Variants in LRP1B observed in about 807,000 individuals in gnomAD.
LRP1B encodes the protein low-density lipoprotein receptor-related protein 1B.
A neutral mutation model predicts 556.6 loss-of-function variants in LRP1B; 217 were observed. The observed-to-expected ratio is 0.39, with a 90% CI of 0.35 to 0.44. LRP1B has a LOEUF of 0.44. Among genes scored for constraint, LRP1B ranks in the 20% least tolerant of loss-of-function variants. The pLI is 1.00. For missense variants in LRP1B, 5,053 were observed against 5,620.8 expected (o/e 0.90, Z 3.23); for synonymous variants, 2,047 against 1,865.8 (o/e 1.10, Z -2.50).
At chr2:140,522,908 A>G (rs939980110) in intron 49 of LRP1B, among the ~76,000 whole-genome samples, 2 of 151,966 alleles carry the variant, frequency 1.3e-5, no homozygotes, top group Non-Finnish European at 2.9e-5. Flanking sequence ...AAAATATACA[A>G]ATAAAAAAAG....
intron 2 of LRP1B, among the ~76,000 whole-genome samples, chr2:141,780,667 C>T (rs949301070): frequency 2.0e-5 from 3 of 152,144 alleles, no homozygotes; most frequent in African/African-American, 7.2e-5. Flanking sequence ...CCACCTACTA[C>T]ATTCACCCTG....
chr2:141,014,808 A>G (rs954134335), intron 13 of LRP1B, among the ~76,000 whole-genome samples: 1 of 152,096 alleles, frequency 6.6e-6, no homozygotes, highest in Non-Finnish European at 1.5e-5. Flanking sequence ...AGTGTGTGAC[A>G]TTAGGTTCAA....
intron 5 of LRP1B, among the ~76,000 whole-genome samples, chr2:141,236,783 G>A (rs1299858517): frequency 6.6e-6 from 1 of 152,136 alleles, no homozygotes; most frequent in Non-Finnish European, 1.5e-5. Flanking sequence ...GATTCACGCA[G>A]TGCAGAAATG....
intron 35 of LRP1B, among the ~76,000 whole-genome samples, chr2:140,734,345 G>C (rs1410161481): frequency 6.6e-6 from 1 of 152,204 alleles, no homozygotes; most frequent in Non-Finnish European, 1.5e-5. Context: ...GAAACTCTCA[G>C]AATGTGGCAC....
chr2:142,130,839 A>G lies in LRP1B; in HGVS notation c.-110T>C. Reference sequence around the variant, plus strand: ...TTGGAGCCTGGAATCGAGCGGCGTCATTTACAAATGTCACTGGAAATTCTT... The same window carrying G: ...TTGGAGCCTGGAATCGAGCGGCGTCGTTTACAAATGTCACTGGAAATTCTT... On this transcript the variant is annotated 5_prime_UTR_variant, in exon 1 of 91. An upstream start codon of the reference 5' UTR is lost. Coordinates refer to ENST00000389484, the MANE Select transcript of LRP1B (RefSeq NM_018557.3). 2.4e-6 allele frequency: 2 copies of G among 821,454 alleles called. No homozygotes were observed. The highest frequency in any genetic ancestry group is 4.1e-6 in the Non-Finnish European group (2 of 485,712). The allele number at this position is 821,454 out of a possible 1,614,324, so 50.9% of individuals were successfully genotyped here.
chr2:141,073,607 G>A (rs776330157), intron 7 of LRP1B, among the ~76,000 whole-genome samples: 1 of 152,000 alleles, frequency 6.6e-6, no homozygotes, highest in African/African-American at 2.4e-5. Flanking sequence ...CAGTTGTTTT[G>A]TTGATACTTT....
chr2:141,770,909 C>T (rs1412928928), intron 2 of LRP1B, among the ~76,000 whole-genome samples: 1 of 152,188 alleles, frequency 6.6e-6, no homozygotes, highest in Non-Finnish European at 1.5e-5. Flanking sequence ...TCAGCTTCTC[C>T]AGCTGGTTGT....
At chr2:141,360,784 C>T (rs1688796590) in intron 3 of LRP1B, among the ~76,000 whole-genome samples, 1 of 152,146 alleles carries the variant, frequency 6.6e-6, no homozygotes, top group African/African-American at 2.4e-5. Flanking sequence ...CTTTCATTCG[C>T]TATATAGGAA....
intron 66 of LRP1B, among the ~76,000 whole-genome samples, chr2:140,422,630 C>T (rs1344365366): frequency 4.6e-5 from 7 of 151,946 alleles, no homozygotes; most frequent in Non-Finnish European, 8.8e-5. Context: ...GATTTTTATA[C>T]AAAGGATAAC....
At chr2:142,020,130 TAGAGTACAGGCA>T (rs1703284467) in intron 1 of LRP1B, among the ~76,000 whole-genome samples, 1 of 152,134 alleles carries the variant, frequency 6.6e-6, no homozygotes. Context: ...CAAAAGGGCT[TAGAGTACAGGCA>T]ATCAAGGAAC....
At chr2:142,054,116 G>A (rs926122303) in intron 1 of LRP1B, among the ~76,000 whole-genome samples, 3 of 151,932 alleles carry the variant, frequency 2.0e-5, no homozygotes, top group Non-Finnish European at 2.9e-5. Context: ...CTTTTAACAC[G>A]GGAGAAAACA....
At chr2:140,291,318 A>ATATATATATATATATATATATTTTT (rs369391920) in intron 84 of LRP1B, among the ~76,000 whole-genome samples, 1 of 109,318 alleles carries the variant, frequency 9.1e-6, no homozygotes, top group African/African-American at 3.0e-5. Context: ...ATATATATAT[A>ATATATATATATATATATATATTTTT]TTTTTATTAT....
chr2:141,352,891 A>G (rs1159010900), intron 3 of LRP1B, among the ~76,000 whole-genome samples: 2 of 151,986 alleles, frequency 1.3e-5, no homozygotes, highest in Non-Finnish European at 2.9e-5. Flanking sequence ...AGATTTTGAA[A>G]TTAAATAGTT....
intron 77 of LRP1B, among the ~76,000 whole-genome samples, chr2:140,341,748 G>A (rs1395066710): frequency 1.3e-5 from 2 of 151,364 alleles, no homozygotes; most frequent in East Asian, 3.9e-4. Flanking sequence ...AGGTGTGATG[G>A]GAGATGAGGC....
chr2:140,756,644 A>T (rs182246828), intron 35 of LRP1B, among the ~76,000 whole-genome samples: 1 of 152,306 alleles, frequency 6.6e-6, no homozygotes, highest in East Asian at 1.9e-4. Flanking sequence ...CCACATGGAT[A>T]TCCATATGTG....
rs567559155 is a variant in LRP1B, at chr2:140,946,374, T to C, written c.3136+3861A>G. Among the ~76,000 whole-genome samples the C allele has an allele frequency of 1.9e-4, 29 of 152,192 alleles. No individual in the cohort carries two copies. In the South Asian group the frequency reaches 6.0e-3, roughly 32 times the overall value. ...CAGCACTTTGAGAGGCTGAGGTGGA[T>C]GGATCACCTGAAGTCAGGAGTTTGA... On this transcript the variant is annotated intron_variant, in intron 20 of 90. Coordinates refer to ENST00000389484, the MANE Select transcript of LRP1B (RefSeq NM_018557.3).
intron 35 of LRP1B, among the ~76,000 whole-genome samples, chr2:140,755,277 A>G (rs1026079917): frequency 6.6e-6 from 1 of 152,070 alleles, no homozygotes; most frequent in Non-Finnish European, 1.5e-5. Context: ...CCTTCCAAGA[A>G]CCAGATTATG....
chr2:140,673,705 C>T (rs1268723234), intron 41 of LRP1B, among the ~76,000 whole-genome samples: 1 of 151,988 alleles, frequency 6.6e-6, no homozygotes. Flanking sequence ...ATGAATGGAC[C>T]CCCTTCTCAG....
intron 20 of LRP1B, among the ~76,000 whole-genome samples, chr2:140,940,818 T>C (rs1234653271): frequency 3.9e-5 from 6 of 152,196 alleles, no homozygotes; most frequent in Non-Finnish European, 8.8e-5. Flanking sequence ...ATGGTATTTC[T>C]GGTTCTAGGT....
Sources: allele counts gnomAD v4.1 joint callset (sites outside exome capture counted in the v4.1 genomes callset), GRCh38; gene constraint gnomAD v4.1.1; transcripts MANE v1.5; gene names NCBI Gene and HGNC (gene_info 2026-07-23, HGNC 2026-07-21).